Variants in PABPC4 observed in about 807,000 individuals in gnomAD.
PABPC4 encodes poly(A) binding protein cytoplasmic 4.
PABPC4 carries 15 observed loss-of-function variants against 74.5 expected under a neutral mutation model. The ratio of observed to expected loss-of-function variants is 0.20; its 90% CI spans 0.13 to 0.31. PABPC4 has a LOEUF of 0.31. Among genes scored for constraint, PABPC4 ranks in the 10% least tolerant of loss-of-function variants. The pLI is 1.00. For synonymous variants in PABPC4, 345 were observed against 303.0 expected (o/e 1.14, Z -1.44); for missense variants, 610 against 853.5 (o/e 0.71, Z 3.55).
chr1:39,563,988 A>G, intron 10 of PABPC4, 66 bp from the exon 11 acceptor site: 1 of 1,476,932 alleles, frequency 6.8e-7, no homozygotes, highest in Non-Finnish European at 9.5e-7. Flanking sequence ...CGTCCCACGG[A>G]AGGAGAAATT....
chr1:39,569,552 G>C, intron 5 of PABPC4, 43 bp downstream of exon 5: 1 of 1,473,692 alleles, frequency 6.8e-7, no homozygotes. Flanking sequence ...ATACTCTGGG[G>C]CAACCTCTTA....
intron 10 of PABPC4, chr1:39,564,180 A>C (rs558280979): frequency 1.6e-6 from 1 of 623,678 alleles, no homozygotes; most frequent in Admixed American, 3.0e-5. Flanking sequence ...TCCAGCTAGC[A>C]AACTTCTACA....
Position 39,562,571 on chromosome 1 carries a change from A to AT in PABPC4, c.1669-156dup, listed in dbSNP as rs561372954. ...AGGAACTAATTTCAGTCCTTGAAGG[A>AT]TTGAGGGGTGTGTTGAGGAACAGAG... On this transcript the variant is annotated intron_variant, in intron 12 of 15. Coordinates refer to ENST00000372858, the MANE Select transcript of PABPC4 (RefSeq NM_001135653.2). The AT allele has an allele frequency of 2.7e-5, 16 of 599,670 alleles. No individual in the cohort carries two copies. The African/African-American group carries it at 3.0e-4, about 11-fold the overall frequency. 37.1% of individuals were successfully genotyped at this position (599,670 alleles called of 1,614,324 possible).
rs1645809605 is a variant in PABPC4 at position 39,564,650 on chromosome 1, ATCCTGGGCTGTC to A, written c.1333+24_1333+35del. The A allele has an allele frequency of 2.5e-6, 4 of 1,602,866 alleles. No individual in the cohort carries two copies. In the East Asian group the frequency reaches 8.9e-5, roughly 36 times the overall value. Reference sequence around the variant, plus strand: ...AGGCAGGGGAGACCAGGACAGGTATATCCTGGGCTGTCAATTACTGTTCCCCACCACCTACCT... The same window carrying A: ...AGGCAGGGGAGACCAGGACAGGTATAAATTACTGTTCCCCACCACCTACCT... On this transcript the variant is annotated intron_variant, in intron 9 of 15. Coordinates refer to ENST00000372858, the MANE Select transcript of PABPC4 (RefSeq NM_001135653.2).
intron 12 of PABPC4, chr1:39,563,129 G>C (rs1456024099): frequency 2.5e-5 from 4 of 156,934 alleles, no homozygotes; most frequent in Non-Finnish European, 5.6e-5. Flanking sequence ...GTTGCATCTA[G>C]AGCACAGGTC....
intron 4 of PABPC4, 60 bp from the exon 5 acceptor site, chr1:39,569,749 G>C (rs1645910017): frequency 1.9e-6 from 3 of 1,583,188 alleles, no homozygotes; most frequent in African/African-American, 2.7e-5. Context: ...AGGAACAGAA[G>C]GCTTCCCTCT....
At position 39,571,284 on chromosome 1, in the gene PABPC4, G is replaced by A. The variant is rs376599175; in HGVS notation, c.453C>T (p.Ala151=). The change falls in exon 3 of 16, where the codon GCC becomes GCT. Residue 151 remains alanine (A), a synonymous_variant. Transcript: ENST00000372858. ...CATTCATCTTCTCGATGGCCTTGTC[G>A]GCAGCCTCTTGGGTCTCGAAGTGGA... ...AFVHFETQEA[A]DKAIEKMNGM... 12 of 1,614,052 alleles carry A rather than the reference G, an allele frequency of 7.4e-6. No homozygotes were observed. The highest frequency in any genetic ancestry group is 2.2e-5 in the South Asian group (2 of 91,088).
At position 39,569,971 on chromosome 1, in the gene PABPC4, G is replaced by GCT; in HGVS notation, c.533_534dup (p.Arg179SerfsTer30). The GCT allele has an allele frequency of 6.2e-7, 1 of 1,613,916 alleles. No homozygotes were observed. Among genetic ancestry groups the GCT allele is most frequent in the South Asian group, 1.1e-5 (1 of 91,080 alleles). On this transcript the variant is annotated frameshift_variant, in exon 4 of 16. Transcript: ENST00000372858. LOFTEE classifies it high-confidence loss of function. The stretch of plus-strand genomic sequence containing the variant: ...GCTTTGGCTCCAAGCTCAGCTTCCC[G>GCT]CTCTTTGCGAGACTTGAATCTGCCC...
intron 15 of PABPC4, 170 bp from the exon 16 acceptor site, chr1:39,561,292 C>T (rs956535528): frequency 1.7e-5 from 6 of 347,890 alleles, no homozygotes; most frequent in East Asian, 7.5e-5. Context: ...CAACATTTAG[C>T]AGCATCTCTG....
chr1:39,576,004 C>T lies in PABPC4; in HGVS notation c.-53G>A. The T allele has an allele frequency of 7.8e-7, 1 of 1,289,280 alleles. No individual in the cohort carries two copies. The allele number at this position is 1,289,280 out of a possible 1,614,324, so 79.9% of individuals were successfully genotyped here. On this transcript the variant is annotated 5_prime_UTR_variant, in exon 1 of 16. Coordinates refer to ENST00000372858, the MANE Select transcript of PABPC4 (RefSeq NM_001135653.2). Reference sequence around the variant, plus strand: ...CGCCAGGAGGACTTCTTATCGGGCCCGCCGCAGGACAAAGGGGCGCCTTCG... The same window carrying T: ...CGCCAGGAGGACTTCTTATCGGGCCTGCCGCAGGACAAAGGGGCGCCTTCG...
rs1292030679 is a variant in PABPC4 at position 39,562,207 on chromosome 1, T to C, written c.1763-4A>G. ...ATGAGTGGGAACAAGCGTTCTCCTA[T>C]GGGGAGGATAGTTAATAAAAAAACA... is the stretch of plus-strand genomic sequence containing the variant. On this transcript the variant is annotated splice_polypyrimidine_tract_variant and splice_region_variant and intron_variant, in intron 13 of 15. Coordinates refer to ENST00000372858, the MANE Select transcript of PABPC4 (RefSeq NM_001135653.2). 5.6e-6 allele frequency: 9 copies of C among 1,614,032 alleles called. No homozygotes were observed. The highest frequency in any genetic ancestry group is 1.7e-5 in the Admixed American group (1 of 59,988).
At chr1:39,571,600 T>C (rs1186876599) in intron 2 of PABPC4, 1 of 558,872 alleles carries the variant, frequency 1.8e-6, no homozygotes, top group Non-Finnish European at 3.3e-6. Context: ...AAACAAAAAA[T>C]ACTTAAAATT....
intron 9 of PABPC4, 71 bp from the exon 10 acceptor site, chr1:39,564,613 G>A (rs1645808871): frequency 1.2e-6 from 2 of 1,610,502 alleles, no homozygotes; most frequent in South Asian, 1.1e-5. Flanking sequence ...CCTCAGAGTG[G>A]GGAAGAAGGA....
At chr1:39,565,479 G>A in intron 7 of PABPC4, 101 bp from the exon 8 acceptor site, 1 of 1,216,426 alleles carries the variant, frequency 8.2e-7, no homozygotes, top group Non-Finnish European at 1.2e-6. Context: ...AGGTGGGAGG[G>A]CTGCTTGAGC....
At chr1:39,568,367 T>A (rs1165407202) in intron 6 of PABPC4, 2 of 165,902 alleles carry the variant, frequency 1.2e-5, no homozygotes, top group Non-Finnish European at 2.6e-5. Flanking sequence ...CAAGCTCTGC[T>A]GATGAATCTG....
chr1:39,569,304 T>C (rs1645900127), intron 5 of PABPC4, among the ~76,000 whole-genome samples: 1 of 152,246 alleles, frequency 6.6e-6, no homozygotes, highest in South Asian at 2.1e-4. Flanking sequence ...CGTGCTGTTA[T>C]CAAATCAGCA....
In PABPC4 at chr1:39,567,812, G is replaced by A. The variant is rs1324738606; in HGVS notation, c.911C>T (p.Thr304Ile). 5.6e-6 allele frequency: 9 copies of A among 1,599,050 alleles called. No individual in the cohort carries two copies. The highest frequency in any genetic ancestry group is 7.7e-6 in the Non-Finnish European group (9 of 1,166,464). The stretch of plus-strand genomic sequence containing the variant: ...TTTCCTTAATTTCTCATCATCAATA[G>A]TGTCATCCAAGTTCTTAATGTAGAG... ...VNLYIKNLDD[T>I]IDDEKLRKEF... Residue 304 changes from threonine to isoleucine, a missense_variant, in exon 7 of 16, where the codon ACT becomes ATT. Transcript: ENST00000372858.
At position 39,564,793 on chromosome 1, in the gene PABPC4, C is replaced by T. The variant is rs1199164580; in HGVS notation, c.1246-20G>A. 4 of 1,576,400 alleles carry T rather than the reference C, an allele frequency of 2.5e-6. No homozygotes were observed. Among genetic ancestry groups the T allele is most frequent in the Non-Finnish European group, 3.5e-6 (4 of 1,145,942 alleles). ...CTGAGCCTGTAAGACAGAAGAATAC[C>T]CAAACACCCCCTTAAGGACTGAACC... On this transcript the variant is annotated intron_variant, in intron 8 of 15. Coordinates refer to ENST00000372858, the MANE Select transcript of PABPC4 (RefSeq NM_001135653.2).
At position 39,569,900 on chromosome 1, in the gene PABPC4, C is replaced by T. The variant is rs1226615468; in HGVS notation, c.606G>A (p.Val202=). The part of the protein sequence containing the change: ...NVYIKNFGEE[V]DDESLKELFS... ...ATAGCTCTTTCAGACTCTCATCATC[C>T]ACCTCTTCCCCAAAGTTTTTGATAT... Residue 202 remains valine, a synonymous_variant, in exon 4 of 16, where the codon GTG becomes GTA. Coordinates refer to ENST00000372858, the MANE Select transcript of PABPC4 (RefSeq NM_001135653.2). The T allele has an allele frequency of 6.2e-7, 1 of 1,614,054 alleles. No individual in the cohort carries two copies. Among genetic ancestry groups the T allele is most frequent in the South Asian group, 1.1e-5 (1 of 91,086 alleles).
Sources: allele counts gnomAD v4.1 joint callset (sites outside exome capture counted in the v4.1 genomes callset), GRCh38; gene constraint gnomAD v4.1.1; transcripts MANE v1.5; gene names NCBI Gene and HGNC (gene_info 2026-07-23, HGNC 2026-07-21).